Variants in POU2AF2 observed in about 807,000 individuals in gnomAD.
POU2AF2 encodes the protein POU class 2 homeobox associating factor 2.
chr11:111,272,942 T>G, the POU2AF2 span, among the ~76,000 whole-genome samples: 1 of 152,318 alleles, frequency 6.6e-6, no homozygotes, highest in Admixed American at 6.5e-5. Context: ...AGCACCCAAT[T>G]CAAATCCTCC....
At chr11:111,276,439 GAAAAAAAAA>G in the POU2AF2 span, among the ~76,000 whole-genome samples, 2 of 44,440 alleles carry the variant, frequency 4.5e-5, no homozygotes, top group African/African-American at 1.9e-4. Flanking sequence ...CTACTAAAAA[GAAAAAAAAA>G]AAAAAATATA....
At chr11:111,262,379 C>G in the POU2AF2 span, among the ~76,000 whole-genome samples, 1 of 152,206 alleles carries the variant, frequency 6.6e-6, no homozygotes, top group Admixed American at 6.5e-5. Context: ...ACCGCCTGTC[C>G]TTCCAGCAAG....
the POU2AF2 span, among the ~76,000 whole-genome samples, chr11:111,249,501 C>A: frequency 2.6e-5 from 4 of 152,174 alleles, no homozygotes; most frequent in Admixed American, 2.6e-4. Flanking sequence ...TGCTTCAGAG[C>A]TTGGTTATCC....
At chr11:111,258,185 A>C in the POU2AF2 span, among the ~76,000 whole-genome samples, 1 of 152,318 alleles carries the variant, frequency 6.6e-6, no homozygotes, top group South Asian at 2.1e-4. Flanking sequence ...AGAGAGAGAG[A>C]AGGAATTCAG....
At chr11:111,273,186 T>C in the POU2AF2 span, among the ~76,000 whole-genome samples, 40 of 152,354 alleles carry the variant, frequency 2.6e-4, no homozygotes, top group Admixed American at 2.6e-4. Flanking sequence ...TTCTACTATA[T>C]ACTTCTCCTG....
chr11:111,255,403 T>C, the POU2AF2 span, among the ~76,000 whole-genome samples: 1 of 152,214 alleles, frequency 6.6e-6, no homozygotes. Context: ...TCCTTATTTA[T>C]CCTCGGCCTT....
At chr11:111,256,333 T>C in the POU2AF2 span, among the ~76,000 whole-genome samples, 3 of 152,234 alleles carry the variant, frequency 2.0e-5, no homozygotes, top group Admixed American at 1.3e-4. Context: ...TTAATGCTGG[T>C]TTTCCTGCCC....
chr11:111,276,453 A>AAAAAAAAAAAAAAATATATAT, the POU2AF2 span, among the ~76,000 whole-genome samples: 1 of 37,692 alleles, frequency 2.7e-5, no homozygotes, highest in African/African-American at 9.6e-5. Context: ...AAAAAAAAAA[A>AAAAAAAAAAAAAAATATATAT]ATATATATAT....
At chr11:111,268,768 G>C in the POU2AF2 span, among the ~76,000 whole-genome samples, 1 of 151,720 alleles carries the variant, frequency 6.6e-6, no homozygotes, top group East Asian at 1.9e-4. Context: ...GGCCGGTCTT[G>C]AACTCCTGAC....
At chr11:111,285,002 A>G in the POU2AF2 span, among the ~76,000 whole-genome samples, 1 of 152,242 alleles carries the variant, frequency 6.6e-6, no homozygotes, top group African/African-American at 2.4e-5. Context: ...GAGAATTCAC[A>G]TTATTAAGTA....
At chr11:111,256,186 T>C in the POU2AF2 span, 2 of 397,870 alleles carry the variant, frequency 5.0e-6, no homozygotes, top group African/African-American at 2.1e-5. Flanking sequence ...GGGTCTGGTA[T>C]TCTCAAAACA....
the POU2AF2 span, among the ~76,000 whole-genome samples, chr11:111,265,489 A>C: frequency 6.6e-6 from 1 of 152,106 alleles, no homozygotes; most frequent in African/African-American, 2.4e-5. Context: ...TGTGAAATTG[A>C]TCTCACTTCT....
chr11:111,259,109 A>G, the POU2AF2 span, among the ~76,000 whole-genome samples: 1 of 152,318 alleles, frequency 6.6e-6, no homozygotes, highest in South Asian at 2.1e-4. Context: ...TGTAATATGA[A>G]GACTATAATA....
the POU2AF2 span, among the ~76,000 whole-genome samples, chr11:111,278,817 A>C: frequency 9.8e-4 from 149 of 152,400 alleles, no homozygotes; most frequent in African/African-American, 3.3e-3. Context: ...CAAAGGGATT[A>C]GAACTAGAAA....
the POU2AF2 span, among the ~76,000 whole-genome samples, chr11:111,254,505 TG>T: frequency 1.3e-5 from 2 of 152,206 alleles, no homozygotes; most frequent in African/African-American, 4.8e-5. Context: ...TCTAATCCTC[TG>T]AAGACAGCTA....
At chr11:111,276,656 A>T in the POU2AF2 span, among the ~76,000 whole-genome samples, 37 of 149,920 alleles carry the variant, frequency 2.5e-4, 2 homozygotes, top group East Asian at 7.2e-3. Context: ...AAAAAAAGAA[A>T]AAAAAAGATA....
chr11:111,258,269 A>T, the POU2AF2 span, among the ~76,000 whole-genome samples: 1 of 152,218 alleles, frequency 6.6e-6, no homozygotes, highest in African/African-American at 2.4e-5. Context: ...TGCAACTAAC[A>T]TGAGACAGCA....
the POU2AF2 span, among the ~76,000 whole-genome samples, chr11:111,257,697 A>AC: frequency 6.6e-6 from 1 of 151,802 alleles, no homozygotes; most frequent in African/African-American, 2.4e-5. Context: ...TTAAACCACC[A>AC]CCTCTCTTCT....
the POU2AF2 span, among the ~76,000 whole-genome samples, chr11:111,280,057 A>ATATATAT: frequency 1.0e-4 from 8 of 76,472 alleles, no homozygotes; most frequent in African/African-American, 4.0e-4. Flanking sequence ...AAAAAAAAAA[A>ATATATAT]ATATATATAT....
Sources: gnomAD v4.1 joint callset for allele counts (sites outside exome capture counted in the v4.1 genomes callset) on GRCh38, gnomAD v4.1.1 for gene constraint, MANE v1.5 for transcripts, NCBI Gene and HGNC (gene_info 2026-07-23, HGNC 2026-07-21) for gene names.